DDAH1: variants seen among roughly 807,000 people sequenced by gnomAD.
DDAH1 encodes the protein N(G),N(G)-dimethylarginine dimethylaminohydrolase 1.
In DDAH1, 19 loss-of-function variants were observed where a neutral mutation model predicts 28.8. The ratio of observed to expected loss-of-function variants is 0.66; its 90% CI spans 0.46 to 0.97. The LOEUF (loss-of-function observed/expected upper bound fraction) is 0.97. DDAH1 is among the 50% of genes least tolerant of loss of function. The pLI is 0.00. For synonymous variants in DDAH1, 153 were observed against 154.4 expected (o/e 0.99, Z 0.07); for missense variants, 326 against 375.9 (o/e 0.87, Z 1.10).
At chr1:85,325,354 T>TACGTGTGTGCATGCACGTGCGTGC (rs1553121772) in intron 4 of DDAH1, among the ~76,000 whole-genome samples, 4 of 151,150 alleles carry the variant, frequency 2.6e-5, no homozygotes, top group East Asian at 3.9e-4. Flanking sequence ...TGCACGTGCG[T>TACGTGTGTGCATGCACGTGCGTGC]GCGCGCGCGC....
chr1:85,375,685 C>A (rs1432079146), intron 1 of DDAH1, among the ~76,000 whole-genome samples: 1 of 152,138 alleles, frequency 6.6e-6, no homozygotes, highest in Admixed American at 6.6e-5. Flanking sequence ...TCTTTCTGTG[C>A]CCTTTATTCC....
intron 4 of DDAH1, 136 bp downstream of exon 4, chr1:85,350,279 C>T: frequency 2.7e-6 from 3 of 1,112,106 alleles, no homozygotes; most frequent in African/African-American, 1.6e-5. Context: ...CACAACAGTG[C>T]ACATCACAGA....
intron 1 of DDAH1, among the ~76,000 whole-genome samples, chr1:85,537,574 A>G (rs1396702570): frequency 2.1e-5 from 2 of 96,134 alleles, no homozygotes; most frequent in Admixed American, 1.1e-4. Flanking sequence ...AATTAGGAAG[A>G]ATAAGTTCTG....
intron 4 of DDAH1, among the ~76,000 whole-genome samples, chr1:85,342,068 C>G (rs369897402): frequency 8.3e-4 from 126 of 152,170 alleles, no homozygotes; most frequent in African/African-American, 2.9e-3. Context: ...ACAACACTCT[C>G]GATTCCTACT....
At chr1:85,443,465 C>T (rs1047917293) in intron 1 of DDAH1, among the ~76,000 whole-genome samples, 2 of 152,132 alleles carry the variant, frequency 1.3e-5, no homozygotes, top group African/African-American at 4.8e-5. Flanking sequence ...TAGCATGATG[C>T]CTCCAGCTTT....
chr1:85,474,000 C>G (rs1655709858), intron 2 of DDAH1, among the ~76,000 whole-genome samples: 1 of 152,208 alleles, frequency 6.6e-6, no homozygotes, highest in African/African-American at 2.4e-5. Flanking sequence ...AAGTTGACAT[C>G]CCAAAGCACA....
upstream of DDAH1, among the ~76,000 whole-genome samples, chr1:85,468,765 G>C (rs757655142): frequency 6.6e-6 from 1 of 152,106 alleles, no homozygotes; most frequent in South Asian, 2.1e-4. Flanking sequence ...TGATCCACCC[G>C]CCTCGGCCTC....
At chr1:85,433,965 CA>C (rs1227163527) in intron 1 of DDAH1, among the ~76,000 whole-genome samples, 1 of 151,914 alleles carries the variant, frequency 6.6e-6, no homozygotes, top group East Asian at 1.9e-4. Context: ...ATGTAGGATT[CA>C]AAAAAATAAT....
intron 2 of DDAH1, among the ~76,000 whole-genome samples, chr1:85,484,526 G>C (rs1656132864): frequency 6.6e-6 from 1 of 152,098 alleles, no homozygotes; most frequent in African/African-American, 2.4e-5. Flanking sequence ...CTAGGAAACT[G>C]TGCTCTGTGT....
At chr1:85,344,705 C>A (rs1330863423) in intron 4 of DDAH1, among the ~76,000 whole-genome samples, 8 of 152,046 alleles carry the variant, frequency 5.3e-5, no homozygotes. Flanking sequence ...TACTGTGAGT[C>A]CCTCCTGAGG....
At chr1:85,545,898 C>A (rs1016937945) in intron 1 of DDAH1, among the ~76,000 whole-genome samples, 1 of 151,934 alleles carries the variant, frequency 6.6e-6, no homozygotes, top group African/African-American at 2.4e-5. Flanking sequence ...GCCAAACTCC[C>A]TGAGTTTGAC....
chr1:85,490,366 G>C (rs78314624), intron 2 of DDAH1, among the ~76,000 whole-genome samples: 2,520 of 152,254 alleles, frequency 0.017, 30 homozygotes, highest in Admixed American at 0.023. Flanking sequence ...TCAAAACACT[G>C]ACTCTTCACC....
chr1:85,476,654 T>A (rs977562688), intron 2 of DDAH1, among the ~76,000 whole-genome samples: 30 of 152,168 alleles, frequency 2.0e-4, no homozygotes, highest in African/African-American at 6.3e-4. Context: ...ATAGCTAGCA[T>A]GGCATGATTT....
chr1:85,422,275 A>G (rs913684476), intron 1 of DDAH1, among the ~76,000 whole-genome samples: 2 of 152,034 alleles, frequency 1.3e-5, no homozygotes, highest in South Asian at 4.1e-4. Context: ...CTGTGTTTTA[A>G]GAGTTCTTCG....
At chr1:85,525,859 A>G (rs1657854447) in intron 1 of DDAH1, among the ~76,000 whole-genome samples, 1 of 152,024 alleles carries the variant, frequency 6.6e-6, no homozygotes, top group South Asian at 2.1e-4. Context: ...TGCAGAATAA[A>G]CTAATTTTAG....
At chr1:85,558,006 C>T (rs910843374) in intron 1 of DDAH1, among the ~76,000 whole-genome samples, 18 of 151,946 alleles carry the variant, frequency 1.2e-4, no homozygotes, top group African/African-American at 3.9e-4. Flanking sequence ...CAAATGAATA[C>T]ATTCAGTGTT....
intron 2 of DDAH1, among the ~76,000 whole-genome samples, chr1:85,356,812 C>T (rs1002892327): frequency 6.6e-6 from 1 of 152,140 alleles, no homozygotes; most frequent in East Asian, 1.9e-4. Flanking sequence ...GCTTGAGATG[C>T]TAGGGAAAGA....
Position 85,360,077 on chromosome 1 carries a change from A to G in DDAH1, c.304-1230T>C, listed in dbSNP as rs1294979563. Among the ~76,000 whole-genome samples the G allele has an allele frequency of 2.0e-5, 3 of 152,256 alleles. No individual in the cohort carries two copies. The East Asian group carries it at 5.8e-4, about 29-fold the overall frequency. The stretch of plus-strand genomic sequence containing the variant: ...AAGCAGGTAGTTCTTCCAAAAATAC[A>G]ACATGCTGAGTACACAGTGTGAATT... On this transcript the variant is annotated intron_variant, in intron 1 of 5. Transcript: ENST00000284031.
chr1:85,507,235 T>TG lies in DDAH1; in HGVS notation c.-122-10955dup, dbSNP rs574178942. Among the ~76,000 whole-genome samples, 10 of 152,274 alleles carry TG rather than the reference T, an allele frequency of 6.6e-5. No individual in the cohort carries two copies. In the South Asian group the frequency reaches 2.1e-3, roughly 32 times the overall value. ...TACATCTTCTATAGGACAGACGCAG[T>TG]GGCTCATGCCTGTAATCGCAGCACC... On this transcript the variant is annotated intron_variant, in intron 1 of 6. Coordinates refer to the DDAH1 transcript ENST00000426972.
Sources: gnomAD v4.1 joint callset for allele counts (sites outside exome capture counted in the v4.1 genomes callset) on GRCh38, gnomAD v4.1.1 for gene constraint, MANE v1.5 for transcripts, NCBI Gene and HGNC (gene_info 2026-07-23, HGNC 2026-07-21) for gene names.